The following ANGPTL6 variants were observed in gnomAD, a reference collection of about 807,000 sequenced individuals.
ANGPTL6 encodes the protein angiopoietin-related protein 6.
A neutral mutation model predicts 47.4 loss-of-function variants in ANGPTL6; 45 were observed. That is an observed-to-expected ratio of 0.95 (90% confidence interval 0.75 to 1.22). The LOEUF is 1.22. Ranked by LOEUF, ANGPTL6 falls within the 50% of genes most tolerant of loss-of-function variation. The probability of loss-of-function intolerance (pLI) is 0.00; values close to 1 mark genes in which losing one functional copy is unlikely to be tolerated. For missense variants in ANGPTL6, 698 were observed against 669.4 expected, an observed-to-expected ratio of 1.04 and a Z score of -0.47; for synonymous variants, 290 against 295.9, an observed-to-expected ratio of 0.98 and a Z score of 0.20.
In ANGPTL6 at chr19:10,093,744, C is replaced by T; in HGVS notation, c.900G>A (p.Gln300=). ...AGTTGACTGAACCATCTTGCCTCCG[C>T]TGGATCACAGTCCAGCCTCCACCCT... ...QLEGGGWTVI[Q]RRQDGSVNFF... Residue 300 remains glutamine, a synonymous_variant, in exon 4 of 6, where the codon CAG becomes CAA. Coordinates refer to ENST00000253109, the MANE Select transcript of ANGPTL6 (RefSeq NM_031917.3). 6 of 1,614,278 alleles carry T rather than the reference C, an allele frequency of 3.7e-6. No individual in the cohort carries two copies. The highest frequency in any genetic ancestry group is 5.1e-6 in the Non-Finnish European group (6 of 1,180,056).
chr19:10,099,718 C>A (rs1013153945), intron 1 of ANGPTL6, among the ~76,000 whole-genome samples: 6 of 151,828 alleles, frequency 4.0e-5, no homozygotes, highest in African/African-American at 1.5e-4. Flanking sequence ...ACATTGTTCA[C>A]AACTTAACAT....
chr19:10,096,579 G>A lies in ANGPTL6; in HGVS notation c.-10-6C>T, dbSNP rs1355126341. On this transcript the variant is annotated splice_polypyrimidine_tract_variant and splice_region_variant and intron_variant, in intron 1 of 5. Coordinates refer to ENST00000253109, the MANE Select transcript of ANGPTL6 (RefSeq NM_031917.3). ...GCTTCCCCATCGCGGCGGACCTGCA[G>A]GCAGAGGAGGAACGGAAGGAAGACG... 3 of 1,486,574 alleles carry A rather than the reference G, an allele frequency of 2.0e-6. No homozygotes were observed. Among genetic ancestry groups the A allele is most frequent in the Non-Finnish European group, 2.7e-6 (3 of 1,124,974 alleles). The allele number at this position is 1,486,574 out of a possible 1,614,324, so 92.1% of individuals were successfully genotyped here. A position where few individuals can be genotyped will look rare whatever the true frequency, so the allele number is the denominator to read the frequency against.
At position 10,096,348 on chromosome 19, in the gene ANGPTL6, G is replaced by T; in HGVS notation, c.216C>A (p.His72Gln). Reference sequence around the variant, plus strand: ...TCTGCAGCTCGCGTAACAGCTCCTCGTGGCGGCCGACGCGCATGCGCAGCG... The same window carrying T: ...TCTGCAGCTCGCGTAACAGCTCCTCTTGGCGGCCGACGCGCATGCGCAGCG... ...LAALRMRVGR[H>Q]EELLRELQRL... Residue 72 changes from histidine to glutamine, a missense_variant, in exon 2 of 6, where the codon CAC becomes CAA. Transcript: ENST00000253109. 1 of 1,285,524 alleles carries T rather than the reference G, an allele frequency of 7.8e-7. No homozygotes were observed. Among genetic ancestry groups the T allele is most frequent in the Non-Finnish European group, 9.8e-7 (1 of 1,021,190 alleles). The allele number at this position is 1,285,524 out of a possible 1,614,324, so 79.6% of individuals were successfully genotyped here.
chr19:10,098,682 G>C lies in ANGPTL6; in HGVS notation c.-10-2109C>G, dbSNP rs116462487. Among the ~76,000 whole-genome samples the C allele has an allele frequency of 4.4e-3, 665 of 152,072 alleles. 4 individuals carry two copies. The highest frequency in any genetic ancestry group is 0.015 in the African/African-American group (632 of 41,464). ...TCTACTGAAAGTGCAAAATTAGCCG[G>C]GTGTGGTGGTACAGGCCTGAAATCT... On this transcript the variant is annotated intron_variant, in intron 1 of 5. Transcript: ENST00000253109.
rs2088445521 is a variant in ANGPTL6, at chr19:10,093,426, C to T, written c.1145G>A (p.Gly382Asp). Residue 382 changes from glycine (G) to aspartate (D), a missense_variant, in exon 5 of 6, where the codon GGT becomes GAT. Coordinates refer to ENST00000253109, the MANE Select transcript of ANGPTL6 (RefSeq NM_031917.3). ...CCAGGAAAGAGAGTCTCCAGCATCA[C>T]CATGGTACTGGCCAAGCCGCAGGCG... ...HYRLRLGQYH[G>D]DAGDSLSWHN... is the part of the protein sequence containing the mutation. The T allele has an allele frequency of 6.2e-7, 1 of 1,614,094 alleles. No individual in the cohort carries two copies. Among genetic ancestry groups the T allele is most frequent in the African/African-American group, 1.3e-5 (1 of 74,926 alleles).
chr19:10,103,847 C>A (rs1215567192), upstream of ANGPTL6, among the ~76,000 whole-genome samples: 1 of 150,782 alleles, frequency 6.6e-6, no homozygotes, highest in East Asian at 1.9e-4. Flanking sequence ...GTAATCCCAG[C>A]ACTTTGGGAG....
intron 1 of ANGPTL6, 52 bp from the exon 2 acceptor site, chr19:10,096,625 AC>A: frequency 7.5e-7 from 1 of 1,332,848 alleles, no homozygotes; most frequent in Non-Finnish European, 9.8e-7. Context: ...GCCCAGCGAG[AC>A]CCCTCCGCTT....
At chr19:10,100,142 G>A (rs1011629803) in intron 1 of ANGPTL6, among the ~76,000 whole-genome samples, 8 of 151,558 alleles carry the variant, frequency 5.3e-5, no homozygotes, top group Non-Finnish European at 7.4e-5. Flanking sequence ...CCAGCTACTC[G>A]GGAGGCTGAG....
chr19:10,105,097 T>A (rs1400839816), upstream of ANGPTL6, among the ~76,000 whole-genome samples: 2 of 150,074 alleles, frequency 1.3e-5, no homozygotes, highest in Admixed American at 6.6e-5. Context: ...GCCGGGAGAG[T>A]CACCTCCTTC....
At chr19:10,104,307 TTGTGTGTGTGGTGTGTG>T (rs928628768), upstream of ANGPTL6, among the ~76,000 whole-genome samples, 3 of 85,268 alleles carry the variant, frequency 3.5e-5, no homozygotes, top group African/African-American at 5.4e-5. Flanking sequence ...TTTGTTTTGT[TTGTGTGTGTGGTGTGTG>T]TGTGTGTGTG....
At chr19:10,092,983 T>C (rs777887335) in intron 5 of ANGPTL6, 82 of 504,682 alleles carry the variant, frequency 1.6e-4, no homozygotes, top group Admixed American at 1.2e-3. Context: ...TCCTTCCCTA[T>C]CTCCTTACCA....
chr19:10,096,654 C>G, intron 1 of ANGPTL6, 81 bp from the exon 2 acceptor site: 1 of 1,093,598 alleles, frequency 9.1e-7, no homozygotes, highest in Non-Finnish European at 1.2e-6. Context: ...GGGATGCGCG[C>G]GTCTACACCC....
At chr19:10,105,616 G>C (rs887157824), upstream of ANGPTL6, among the ~76,000 whole-genome samples, 4 of 151,800 alleles carry the variant, frequency 2.6e-5, no homozygotes, top group South Asian at 2.1e-4. Flanking sequence ...GGGAAGACGA[G>C]GGGGAGGGGA....
Position 10,096,081 on chromosome 19 carries a change from G to C in ANGPTL6, c.483C>G (p.Asp161Glu). 2 of 1,493,038 alleles carry C rather than the reference G, an allele frequency of 1.3e-6. No homozygotes were observed. The highest frequency in any genetic ancestry group is 1.3e-5 in the South Asian group (1 of 79,916). 92.5% of individuals were successfully genotyped at this position (1,493,038 alleles called of 1,614,324 possible). A position where few individuals can be genotyped will look rare whatever the true frequency, so the allele number is the denominator to read the frequency against. Residue 161 changes from aspartate to glutamate, a missense_variant, in exon 2 of 6, where the codon GAC becomes GAG. By Grantham distance (45) the Asp-to-Glu change is conservative. Transcript: ENST00000253109. ...QRAAARFHQL[D>E]VKFRELAQLV... Reference sequence around the variant, plus strand: ...GCTGCGCCAGCTCGCGGAACTTGACGTCCAGCTGGTGGAACCGGGCGGCTG... The same window carrying C: ...GCTGCGCCAGCTCGCGGAACTTGACCTCCAGCTGGTGGAACCGGGCGGCTG...
At chr19:10,102,693 G>A (rs542190183), upstream of ANGPTL6, 5 of 984,884 alleles carry the variant, frequency 5.1e-6, no homozygotes, top group Middle Eastern at 5.2e-4. Flanking sequence ...CAGAAGGAGA[G>A]AGGAGGCTTG....
upstream of ANGPTL6, among the ~76,000 whole-genome samples, chr19:10,103,959 G>A (rs1321833639): frequency 2.0e-5 from 3 of 151,350 alleles, no homozygotes; most frequent in Non-Finnish European, 4.4e-5. Flanking sequence ...CGGGTGTGGT[G>A]GCCCATGCCT....
At position 10,096,161 on chromosome 19, in the gene ANGPTL6, C is replaced by T. The variant is rs2088526323; in HGVS notation, c.403G>A (p.Ala135Thr). 1.5e-6 allele frequency: 2 copies of T among 1,315,464 alleles called. No individual in the cohort carries two copies. The highest frequency in any genetic ancestry group is 1.9e-6 in the Non-Finnish European group (2 of 1,032,314). The allele number at this position is 1,315,464 out of a possible 1,614,324, so 81.5% of individuals were successfully genotyped here. ...ACGCGCTCCCCGAGCAGCGCCAGCG[C>T]CGCGGCAGGCTCCGCCCCCAGATCC... ...GADLGAEPAAALALLGERVLN... is the reference protein window; with the variant it reads ...GADLGAEPAATLALLGERVLN... Residue 135 changes from alanine to threonine, a missense_variant, in exon 2 of 6, where the codon GCG becomes ACG. Ala to Thr is a moderately conservative substitution (Grantham distance 58). Transcript: ENST00000253109.
Position 10,092,417 on chromosome 19 carries a change from T to C in ANGPTL6, c.*172A>G. The C allele has an allele frequency of 6.6e-7, 1 of 1,516,386 alleles. No individual in the cohort carries two copies. The highest frequency in any genetic ancestry group is 8.8e-7 in the Non-Finnish European group (1 of 1,133,132). 93.9% of individuals were successfully genotyped at this position (1,516,386 alleles called of 1,614,324 possible). On this transcript the variant is annotated 3_prime_UTR_variant, in exon 6 of 6. Coordinates refer to ENST00000253109, the MANE Select transcript of ANGPTL6 (RefSeq NM_031917.3). ...CTTGGGGAGCCATCTGAGGCCAAGA[T>C]ATTGACGGGGGGGATTCCTGGGTCC...
Position 10,093,743 on chromosome 19 carries a change from G to A in ANGPTL6, c.901C>T (p.Arg301Trp), listed in dbSNP as rs748744561. 4.4e-5 allele frequency: 71 copies of A among 1,614,078 alleles called. No individual in the cohort carries two copies. Among genetic ancestry groups the A allele is most frequent in the Non-Finnish European group, 5.3e-5 (63 of 1,180,044 alleles). ...LEGGGWTVIQ[R>W]RQDGSVNFFT... ...AAGTTGACTGAACCATCTTGCCTCC[G>A]CTGGATCACAGTCCAGCCTCCACCC... The change falls in exon 4 of 6, where the codon CGG becomes TGG. Residue 301 changes from arginine (R) to tryptophan (W), a missense_variant. Physicochemically the swap from Arg to Trp is moderately radical, Grantham distance 101. Coordinates refer to ENST00000253109, the MANE Select transcript of ANGPTL6 (RefSeq NM_031917.3).
Sources: gnomAD v4.1 joint callset for allele counts (sites outside exome capture counted in the v4.1 genomes callset) on GRCh38, gnomAD v4.1.1 for gene constraint, MANE v1.5 for transcripts, NCBI Gene and HGNC (gene_info 2026-07-23, HGNC 2026-07-21) for gene names.